The following CNTNAP2 variants were observed in gnomAD, a reference collection of about 807,000 sequenced individuals.
CNTNAP2 encodes contactin associated protein 2.
In CNTNAP2, 98 loss-of-function variants were observed where a neutral mutation model predicts 155.2. That is an observed-to-expected ratio of 0.63 (90% CI 0.54 to 0.75). The LOEUF is 0.75. CNTNAP2 is among the 30% of genes least tolerant of loss of function. CNTNAP2 has a pLI of 0.00. For missense variants in CNTNAP2, 1,727 were observed against 1,688.1 expected, an observed-to-expected ratio of 1.02 and a Z score of -0.40; for synonymous variants, 651 against 631.2, an observed-to-expected ratio of 1.03 and a Z score of -0.47.
At chr7:148,037,814 G>A (rs1177027430) in intron 15 of CNTNAP2, among the ~76,000 whole-genome samples, 1 of 152,184 alleles carries the variant, frequency 6.6e-6, no homozygotes, top group African/African-American at 2.4e-5. Context: ...ATACACAGAT[G>A]ATTCTTGATT....
intron 5 of CNTNAP2, among the ~76,000 whole-genome samples, chr7:147,114,603 G>A (rs1046790344): frequency 6.6e-6 from 1 of 152,128 alleles, no homozygotes; most frequent in African/African-American, 2.4e-5. Flanking sequence ...GTGGGTTAAA[G>A]TCTGTTTTGT....
chr7:148,374,980 C>G (rs1730404), intron 21 of CNTNAP2, among the ~76,000 whole-genome samples: 108,759 of 152,000 alleles, frequency 0.72, 40,064 homozygotes, highest in Admixed American at 0.81. Flanking sequence ...TATTCTTAGC[C>G]CTAAAAAATC....
chr7:148,266,615 T>A (rs903787565), intron 20 of CNTNAP2, among the ~76,000 whole-genome samples: 23 of 152,002 alleles, frequency 1.5e-4, no homozygotes, highest in African/African-American at 5.3e-4. Context: ...TGTGTGTGTG[T>A]ATGTGTGTGT....
rs377658457 is a variant in CNTNAP2, at chr7:148,264,598, T to C, written c.3382-2435T>C. ...TTTATTATTAGCAGGCAACTTTTTT[T>C]CCGGCAAATCTGTGTTTTTCTATAA... On this transcript the variant is annotated intron_variant, in intron 20 of 23. Transcript: ENST00000361727. Among the ~76,000 whole-genome samples the C allele has an allele frequency of 4.4e-4, 67 of 152,374 alleles. No individual in the cohort carries two copies. In the South Asian group the frequency reaches 4.6e-3, roughly 10 times the overall value.
At chr7:146,714,508 T>A (rs549608170) in intron 1 of CNTNAP2, among the ~76,000 whole-genome samples, 4 of 147,832 alleles carry the variant, frequency 2.7e-5, no homozygotes, top group East Asian at 3.9e-4. Flanking sequence ...TGAGATGATA[T>A]TTTTTTGTAA....
intron 3 of CNTNAP2, among the ~76,000 whole-genome samples, chr7:147,014,599 A>G (rs1798686162): frequency 6.6e-6 from 1 of 152,148 alleles, no homozygotes; most frequent in Non-Finnish European, 1.5e-5. Flanking sequence ...GGTTTAACAT[A>G]ATGTTCAAAT....
Position 146,691,984 on chromosome 7 carries a change from C to T in CNTNAP2, c.98-82287C>T, listed in dbSNP as rs1585044710. 3.9e-5 allele frequency among the ~76,000 whole-genome samples: 6 copies of T among 152,230 alleles called. 1 individual carries two copies. The highest frequency in any genetic ancestry group is 3.9e-4 in the Admixed American group (6 of 15,272). ...AAAACCCATTACGAATGTTCTGAGA[C>T]ATCCAATGATGCACAAGGGTCCTTC... On this transcript the variant is annotated intron_variant, in intron 1 of 23. Coordinates refer to ENST00000361727, the MANE Select transcript of CNTNAP2 (RefSeq NM_014141.6).
intron 1 of CNTNAP2, among the ~76,000 whole-genome samples, chr7:146,458,108 C>A (rs1157950526): frequency 6.6e-6 from 1 of 151,964 alleles, no homozygotes; most frequent in Non-Finnish European, 1.5e-5. Context: ...ACGCTGAGAA[C>A]ACATGGAGGG....
chr7:147,571,166 A>T (rs1388477205), intron 12 of CNTNAP2, among the ~76,000 whole-genome samples: 1 of 151,668 alleles, frequency 6.6e-6, no homozygotes, highest in Non-Finnish European at 1.5e-5. Context: ...CATGTGCACA[A>T]TGTGCAGGTT....
At chr7:147,945,110 A>G (rs529132759) in intron 14 of CNTNAP2, among the ~76,000 whole-genome samples, 1 of 152,336 alleles carries the variant, frequency 6.6e-6, no homozygotes, top group East Asian at 1.9e-4. Flanking sequence ...AAACAAATCA[A>G]TTGGAGAAAA....
At chr7:148,236,494 T>C (rs1293113460) in intron 20 of CNTNAP2, among the ~76,000 whole-genome samples, 2 of 152,180 alleles carry the variant, frequency 1.3e-5, no homozygotes, top group East Asian at 1.9e-4. Flanking sequence ...ATCTGCTCCA[T>C]GACATGAGGA....
chr7:146,849,109 C>A lies in CNTNAP2; in HGVS notation c.402+9205C>A, dbSNP rs914616900. Among the ~76,000 whole-genome samples the A allele has an allele frequency of 2.6e-5, 4 of 152,138 alleles. No individual in the cohort carries two copies. The East Asian group carries it at 5.8e-4, about 22-fold the overall frequency. ...AGCTGACTTTTTAAAATAAAAAAAA[C>A]TCTGAAATTATATCCTGTGAATCAG... On this transcript the variant is annotated intron_variant, in intron 3 of 23. Coordinates refer to ENST00000361727, the MANE Select transcript of CNTNAP2 (RefSeq NM_014141.6).
At chr7:147,911,438 G>A (rs1256073719) in intron 14 of CNTNAP2, among the ~76,000 whole-genome samples, 1 of 152,176 alleles carries the variant, frequency 6.6e-6, no homozygotes, top group Non-Finnish European at 1.5e-5. Context: ...GTCTCGAGGG[G>A]TCTTATTTCT....
intron 3 of CNTNAP2, among the ~76,000 whole-genome samples, chr7:146,952,046 C>A (rs1156765069): frequency 2.0e-5 from 3 of 152,034 alleles, no homozygotes; most frequent in Non-Finnish European, 4.4e-5. Flanking sequence ...TACTGGCAAA[C>A]CGAATACAGC....
intron 13 of CNTNAP2, among the ~76,000 whole-genome samples, chr7:147,653,652 A>G (rs549296141): frequency 6.6e-6 from 1 of 152,288 alleles, no homozygotes; most frequent in African/African-American, 2.4e-5. Flanking sequence ...CACTGGGTGT[A>G]TAAGCAGAGG....
intron 3 of CNTNAP2, among the ~76,000 whole-genome samples, chr7:146,855,873 C>G (rs1171138184): frequency 1.4e-5 from 2 of 139,306 alleles, no homozygotes; most frequent in East Asian, 2.2e-4. Flanking sequence ...ATACTACATG[C>G]TAAGTAGCTC....
chr7:147,446,758 T>C (rs1183068190), intron 10 of CNTNAP2, among the ~76,000 whole-genome samples: 2 of 152,342 alleles, frequency 1.3e-5, no homozygotes, highest in South Asian at 2.1e-4. Flanking sequence ...AAATCAGCTA[T>C]GGGCAAAGTT....
chr7:146,375,146 CA>C (rs1408067338), intron 1 of CNTNAP2, among the ~76,000 whole-genome samples: 1 of 152,208 alleles, frequency 6.6e-6, no homozygotes, highest in Non-Finnish European at 1.5e-5. Flanking sequence ...TTCACTGTTT[CA>C]ATAAACAATA....
chr7:147,499,974 A>C (rs1291901785), intron 11 of CNTNAP2, among the ~76,000 whole-genome samples: 4 of 152,192 alleles, frequency 2.6e-5, no homozygotes, highest in Admixed American at 2.6e-4. Context: ...AAATGTATCT[A>C]TTTTTAAAGT....
Sources: gnomAD v4.1 joint callset for allele counts (sites outside exome capture counted in the v4.1 genomes callset) on GRCh38, gnomAD v4.1.1 for gene constraint, MANE v1.5 for transcripts, NCBI Gene and HGNC (gene_info 2026-07-23, HGNC 2026-07-21) for gene names.